The following LRP1B variants were observed in gnomAD, a reference collection of about 807,000 sequenced individuals.
The protein encoded by LRP1B is low-density lipoprotein receptor-related protein 1B.
LRP1B carries 217 observed loss-of-function variants against 556.6 expected under a neutral mutation model. The observed-to-expected ratio is 0.39, with a 90% CI of 0.35 to 0.44. The LOEUF (loss-of-function observed/expected upper bound fraction) is 0.44. Ranked by LOEUF, LRP1B falls within the 20% of genes least tolerant of loss-of-function variation. The probability of loss-of-function intolerance (pLI) is 1.00; values close to 1 mark genes in which losing one functional copy is unlikely to be tolerated. For synonymous variants in LRP1B, 2,047 were observed against 1,865.8 expected (o/e 1.10, Z -2.50); for missense variants, 5,053 against 5,620.8 (o/e 0.90, Z 3.23).
intron 7 of LRP1B, among the ~76,000 whole-genome samples, chr2:141,095,181 G>GGCTGAATAATAGATTT (rs1385745218): frequency 6.6e-6 from 1 of 151,526 alleles, no homozygotes; most frequent in African/African-American, 2.4e-5. Context: ...AGAGCTGTGA[G>GGCTGAATAATAGATTT]AAGTAAATTT....
In LRP1B at chr2:140,537,589, T is replaced by C. The variant is rs1349749093; in HGVS notation, c.7514-880A>G. 2.0e-5 allele frequency among the ~76,000 whole-genome samples: 3 copies of C among 152,176 alleles called. No homozygotes were observed. In the East Asian group the frequency reaches 5.8e-4, roughly 29 times the overall value. On this transcript the variant is annotated intron_variant, in intron 45 of 90. Transcript: ENST00000389484. ...CCATACATGATGAGCACCTACTCCA[T>C]GAAATGTACAGGAATCAGTGGGATG...
chr2:140,312,672 C>A (rs551592826), intron 83 of LRP1B, among the ~76,000 whole-genome samples: 1 of 151,886 alleles, frequency 6.6e-6, no homozygotes, highest in East Asian at 1.9e-4. Flanking sequence ...ATGAGCAGGT[C>A]ATAAAAATGG....
At chr2:142,113,191 C>T (rs921296989) in intron 1 of LRP1B, among the ~76,000 whole-genome samples, 3 of 152,138 alleles carry the variant, frequency 2.0e-5, no homozygotes, top group Non-Finnish European at 2.9e-5. Flanking sequence ...AAGCCCACTT[C>T]TCTTGGTTCC....
intron 66 of LRP1B, among the ~76,000 whole-genome samples, chr2:140,416,084 C>T (rs1296586830): frequency 2.0e-5 from 3 of 152,108 alleles, no homozygotes; most frequent in Non-Finnish European, 2.9e-5. Context: ...GAGTGGCAGG[C>T]GAGCTAGCCA....
chr2:141,347,494 TAAG>T (rs1688296522), intron 3 of LRP1B, among the ~76,000 whole-genome samples: 1 of 151,610 alleles, frequency 6.6e-6, no homozygotes, highest in African/African-American at 2.4e-5. Context: ...CAGGGAACTA[TAAG>T]AAAAATAATT....
At chr2:140,887,183 CA>C (rs1392901669) in intron 23 of LRP1B, among the ~76,000 whole-genome samples, 7 of 152,136 alleles carry the variant, frequency 4.6e-5, no homozygotes, top group African/African-American at 1.7e-4. Context: ...AACAATATAT[CA>C]AAAACAGGTA....
intron 7 of LRP1B, among the ~76,000 whole-genome samples, chr2:141,139,433 A>G (rs559429669): frequency 1.3e-5 from 2 of 152,028 alleles, no homozygotes; most frequent in East Asian, 3.9e-4. Context: ...TGGGAAAAAA[A>G]TCTTTATAAG....
At chr2:141,061,583 T>G (rs933348879) in intron 8 of LRP1B, among the ~76,000 whole-genome samples, 4 of 151,776 alleles carry the variant, frequency 2.6e-5, no homozygotes, top group African/African-American at 9.7e-5. Context: ...CTTGAATACA[T>G]CAGAAGTCAA....
chr2:140,674,215 G>T (rs1285963131), intron 41 of LRP1B, among the ~76,000 whole-genome samples: 1 of 152,046 alleles, frequency 6.6e-6, no homozygotes, highest in Non-Finnish European at 1.5e-5. Flanking sequence ...CTCCCAAAAT[G>T]CTGAGATTAC....
At chr2:141,837,590 T>C (rs78642258) in intron 1 of LRP1B, among the ~76,000 whole-genome samples, 2,163 of 152,184 alleles carry the variant, frequency 0.014, 53 homozygotes, top group African/African-American at 0.049. Context: ...ATATGGCTTT[T>C]GTAGTCATAA....
At chr2:142,049,536 G>A (rs376120585) in intron 1 of LRP1B, among the ~76,000 whole-genome samples, 40 of 152,192 alleles carry the variant, frequency 2.6e-4, no homozygotes, top group Admixed American at 1.6e-3. Flanking sequence ...CCAATACTGC[G>A]TTCTCCTTGA....
chr2:141,617,846 ATTAACT>A (rs1559180470), intron 2 of LRP1B, among the ~76,000 whole-genome samples: 2 of 152,226 alleles, frequency 1.3e-5, no homozygotes, highest in African/African-American at 4.8e-5. Flanking sequence ...TATACAAGTA[ATTAACT>A]TTAATAGTCA....
chr2:141,024,997 C>A (rs1476244126), intron 11 of LRP1B, among the ~76,000 whole-genome samples: 1 of 152,020 alleles, frequency 6.6e-6, no homozygotes, highest in East Asian at 1.9e-4. Flanking sequence ...TGAAAAGATA[C>A]TTCTGAAGAA....
chr2:141,346,484 T>A (rs774367823), intron 3 of LRP1B, among the ~76,000 whole-genome samples: 6 of 152,122 alleles, frequency 3.9e-5, no homozygotes, highest in Non-Finnish European at 8.8e-5. Flanking sequence ...TTATTAACGT[T>A]CTCCTGGAAC....
At chr2:140,870,813 CA>C (rs1482812942) in intron 25 of LRP1B, among the ~76,000 whole-genome samples, 3 of 151,854 alleles carry the variant, frequency 2.0e-5, no homozygotes, top group Non-Finnish European at 4.4e-5. Context: ...CAATCCTTTA[CA>C]AAATTTAAAA....
intron 3 of LRP1B, among the ~76,000 whole-genome samples, chr2:141,360,112 A>G (rs1688769045): frequency 6.6e-6 from 1 of 152,238 alleles, no homozygotes; most frequent in Admixed American, 6.5e-5. Context: ...AACACAAGCA[A>G]TAAGGACTTC....
chr2:140,923,919 A>G (rs182464902), intron 20 of LRP1B, among the ~76,000 whole-genome samples: 2 of 152,140 alleles, frequency 1.3e-5, no homozygotes, highest in East Asian at 3.9e-4. Context: ...CAGTTTAACA[A>G]TTGAATTACA....
At chr2:141,876,283 A>G (rs954167379) in intron 1 of LRP1B, among the ~76,000 whole-genome samples, 14 of 151,954 alleles carry the variant, frequency 9.2e-5, no homozygotes, top group Non-Finnish European at 2.9e-5. Flanking sequence ...TCTTGACCTT[A>G]AAAATCAGTT....
intron 1 of LRP1B, among the ~76,000 whole-genome samples, chr2:142,105,012 G>A (rs1311540972): frequency 6.6e-6 from 1 of 152,158 alleles, no homozygotes; most frequent in East Asian, 1.9e-4. Flanking sequence ...CACAGTCTAA[G>A]AGAAAAAATG....
Sources: gnomAD v4.1 joint callset for allele counts (sites outside exome capture counted in the v4.1 genomes callset) on GRCh38, gnomAD v4.1.1 for gene constraint, MANE v1.5 for transcripts, NCBI Gene and HGNC (gene_info 2026-07-23, HGNC 2026-07-21) for gene names.